Variants in LHX4 observed in about 807,000 individuals in gnomAD.
LHX4 encodes LIM/homeobox protein Lhx4.
Under a neutral mutation model 39.2 loss-of-function variants are expected in LHX4, and 16 were observed. The ratio of observed to expected loss-of-function variants is 0.41; its 90% CI spans 0.28 to 0.62. LHX4 has a LOEUF of 0.62. Among genes scored for constraint, LHX4 ranks in the 20% least tolerant of loss-of-function variants. The pLI, the probability that LHX4 is intolerant of heterozygous loss-of-function variation, is 0.33. For missense variants in LHX4, 439 were observed against 511.9 expected, an observed-to-expected ratio of 0.86 and a Z score of 1.37; for synonymous variants, 206 against 198.1, an observed-to-expected ratio of 1.04 and a Z score of -0.33.
chr1:180,250,933 C>T (rs548199172), intron 2 of LHX4, among the ~76,000 whole-genome samples: 13 of 152,352 alleles, frequency 8.5e-5, no homozygotes, highest in East Asian at 3.9e-4. Context: ...ATAACAAGAA[C>T]GGCTCCTCAC....
chr1:180,261,584 A>G (rs1648115348), intron 2 of LHX4, among the ~76,000 whole-genome samples: 1 of 152,144 alleles, frequency 6.6e-6, no homozygotes, highest in African/African-American at 2.4e-5. Flanking sequence ...GTTCGAGTGC[A>G]GTGAGCTATG....
intron 3 of LHX4, chr1:180,270,509 CCT>C (rs1322183047): frequency 1.3e-5 from 2 of 152,358 alleles, no homozygotes; most frequent in South Asian, 2.1e-4. Flanking sequence ...CACGCACGCG[CCT>C]CTCTCTGTAC....
chr1:180,268,372 A>T (rs1329504812), intron 3 of LHX4, among the ~76,000 whole-genome samples: 2 of 152,224 alleles, frequency 1.3e-5, no homozygotes, highest in African/African-American at 4.8e-5. Context: ...AAACAGATGT[A>T]GATTGGTCAG....
rs1383893389 is a variant in LHX4, at chr1:180,277,767, CAACT to C, written c.*3190_*3193del. 1 of 151,720 alleles carries C rather than the reference CAACT, an allele frequency of 6.6e-6. No homozygotes were observed. 9.4% of individuals were successfully genotyped at this position (151,720 alleles called of 1,614,324 possible). The stretch of plus-strand genomic sequence containing the variant: ...TATGAATATAACGTAAAATAAAGAT[CAACT>C]ATCATTGATAACACTGTTCCTGCAA... On this transcript the variant is annotated 3_prime_UTR_variant, in exon 6 of 6. Transcript: ENST00000263726.
intron 1 of LHX4, among the ~76,000 whole-genome samples, chr1:180,238,866 T>C (rs1164759409): frequency 1.3e-5 from 2 of 152,204 alleles, no homozygotes; most frequent in Non-Finnish European, 2.9e-5. Context: ...AGATTTGTCA[T>C]GGAAAACTGA....
intron 1 of LHX4, among the ~76,000 whole-genome samples, chr1:180,245,976 G>C (rs1051103335): frequency 7.9e-5 from 12 of 151,676 alleles, no homozygotes; most frequent in Non-Finnish European, 1.5e-4. Flanking sequence ...ACTGGACTGC[G>C]TATTCCTCAA....
chr1:180,234,213 ATATAT>A lies in LHX4; in HGVS notation c.76+3609_76+3613del, dbSNP rs1664257641. On this transcript the variant is annotated intron_variant, in intron 1 of 5. Coordinates refer to ENST00000263726, the MANE Select transcript of LHX4 (RefSeq NM_033343.4). This position sits in a 1 kb window ranked among gnomAD's most constrained non-coding sequence, Gnocchi z 4.8. ...TATATATATATATATATATATATAT[ATATAT>A]ATAATAGATTGAGATTCTATCATAT... is the stretch of plus-strand genomic sequence containing the variant. 1.5e-5 allele frequency among the ~76,000 whole-genome samples: 1 copy of A among 67,114 alleles called. No individual in the cohort carries two copies. The highest frequency in any genetic ancestry group is 7.1e-5 in the African/African-American group (1 of 14,038). 44.0% of individuals were successfully genotyped at this position (67,114 alleles called of 152,430 possible).
At chr1:180,233,501 G>C (rs1382586214) in intron 1 of LHX4, among the ~76,000 whole-genome samples, 1 of 152,226 alleles carries the variant, frequency 6.6e-6, no homozygotes, top group Non-Finnish European at 1.5e-5. Context: ...GTACGGGTAC[G>C]GCGAGAGCCT....
chr1:180,240,940 A>G (rs560076140), intron 1 of LHX4, among the ~76,000 whole-genome samples: 30 of 152,298 alleles, frequency 2.0e-4, no homozygotes, highest in African/African-American at 7.0e-4. Flanking sequence ...CTCGATGAAG[A>G]AGGAGATTAT....
Position 180,234,623 on chromosome 1 carries a change from A to T in LHX4, c.76+4018A>T, listed in dbSNP as rs1051733232. Among the ~76,000 whole-genome samples, 1 of 152,246 alleles carries T rather than the reference A, an allele frequency of 6.6e-6. No individual in the cohort carries two copies. The highest frequency in any genetic ancestry group is 2.4e-5 in the African/African-American group (1 of 41,476). On this transcript the variant is annotated intron_variant, in intron 1 of 5. Transcript: ENST00000263726. This position sits in a 1 kb window ranked among gnomAD's most constrained non-coding sequence, Gnocchi z 4.8. ...AAGCCGCTGTCCCAGTGCGCTCCGC[A>T]TGCGGAATTAACTGTTAAAGCCGGA...
upstream of LHX4, among the ~76,000 whole-genome samples, chr1:180,228,951 T>G (rs538794207): frequency 7.9e-5 from 12 of 152,124 alleles, no homozygotes; most frequent in African/African-American, 2.7e-4. Flanking sequence ...CCGTGGGGGC[T>G]GGGGGCAGGA....
Position 180,275,908 on chromosome 1 carries a change from G to C in LHX4, c.*1329G>C, listed in dbSNP as rs1244557086. On this transcript the variant is annotated 3_prime_UTR_variant, in exon 6 of 6. Transcript: ENST00000263726. ...GCAAATCACTAAGCCTGAGGCCAGA[G>C]CAAGGCCAACCCCCGCTTTACGAGT... 2.0e-5 allele frequency: 3 copies of C among 152,324 alleles called. No homozygotes were observed. Among genetic ancestry groups the C allele is most frequent in the African/African-American group, 7.2e-5 (3 of 41,444 alleles). 9.4% of individuals were successfully genotyped at this position (152,324 alleles called of 1,614,324 possible). A position where few individuals can be genotyped will look rare whatever the true frequency, so the allele number is the denominator to read the frequency against.
rs750727283 is a variant in LHX4 at position 180,266,427 on chromosome 1, G to T, written c.284G>T (p.Gly95Val). 1.2e-6 allele frequency: 2 copies of T among 1,614,176 alleles called. No homozygotes were observed. The highest frequency in any genetic ancestry group is 1.1e-5 in the South Asian group (1 of 91,086). Residue 95 changes from glycine to valine, a missense_variant, in exon 3 of 6, where the codon GGT becomes GTT. Gly to Val is a moderately radical substitution (Grantham distance 109). Coordinates refer to ENST00000263726, the MANE Select transcript of LHX4 (RefSeq NM_033343.4). The surrounding 1 kb of genome is among the most constrained non-coding windows in gnomAD (Gnocchi z 5.7). The stretch of plus-strand genomic sequence containing the variant: ...ACAAAATGCACGGCCTGCCAGCAGG[G>T]TATCCCCCCAACCCAGGTGGTCCGC... ...FGTKCTACQQ[G>V]IPPTQVVRKA...
chr1:180,237,173 TG>T (rs1462720507), intron 1 of LHX4, among the ~76,000 whole-genome samples: 1 of 137,214 alleles, frequency 7.3e-6, no homozygotes, highest in Admixed American at 7.7e-5. Context: ...GGGAGAAACA[TG>T]GGATAGTGCA....
chr1:180,248,427 G>A lies in LHX4; in HGVS notation c.219G>A (p.Gly73=), dbSNP rs1275539933. Reference sequence around the variant, plus strand: ...CGGACAGGTGCTTCTCCAGGGCTGGGAGCGTCTACTGCAAGGAGGACTTCT... The same window carrying A: ...CGGACAGGTGCTTCTCCAGGGCTGGAAGCGTCTACTGCAAGGAGGACTTCT... ...QLADRCFSRA[G]SVYCKEDFFK... Residue 73 remains glycine (G), a synonymous_variant, in exon 2 of 6, where the codon GGG becomes GGA. Coordinates refer to ENST00000263726, the MANE Select transcript of LHX4 (RefSeq NM_033343.4). 1 of 1,614,220 alleles carries A rather than the reference G, an allele frequency of 6.2e-7. No homozygotes were observed. The highest frequency in any genetic ancestry group is 1.1e-5 in the South Asian group (1 of 91,084).
At chr1:180,253,737 G>A (rs867085835) in intron 2 of LHX4, among the ~76,000 whole-genome samples, 1 of 152,192 alleles carries the variant, frequency 6.6e-6, no homozygotes, top group African/African-American at 2.4e-5. Flanking sequence ...AAACACTGCC[G>A]GGTTTCAGGC....
chr1:180,255,103 G>A (rs991608932), intron 2 of LHX4, among the ~76,000 whole-genome samples: 5 of 152,232 alleles, frequency 3.3e-5, no homozygotes, highest in African/African-American at 7.2e-5. Flanking sequence ...AGCCCTCAGC[G>A]CTCGCTCGCA....
intron 1 of LHX4, among the ~76,000 whole-genome samples, chr1:180,247,143 C>A (rs1017216231): frequency 6.6e-6 from 1 of 152,138 alleles, no homozygotes; most frequent in East Asian, 1.9e-4. Context: ...ACCACGGAAA[C>A]CTGACCATTT....
intron 1 of LHX4, among the ~76,000 whole-genome samples, chr1:180,235,408 C>T (rs1035919638): frequency 1.3e-5 from 2 of 152,324 alleles, no homozygotes; most frequent in African/African-American, 2.4e-5. Flanking sequence ...AGGAGGAGGC[C>T]GGGTGAAAAC....
Sources: allele counts gnomAD v4.1 joint callset (sites outside exome capture counted in the v4.1 genomes callset), GRCh38; gene constraint gnomAD v4.1.1; non-coding constraint Gnocchi (gnomAD v3.1); transcripts MANE v1.5; gene names NCBI Gene and HGNC (gene_info 2026-07-23, HGNC 2026-07-21).